Variants in CDH23 observed in about 807,000 individuals in gnomAD.
The protein encoded by CDH23 is cadherin related 23, also known as cadherin-23.
In CDH23, 189 loss-of-function variants were observed where a neutral mutation model predicts 317.1. The ratio of observed to expected loss-of-function variants is 0.60; its 90% CI spans 0.53 to 0.67. The LOEUF is 0.67. Ranked by LOEUF, CDH23 falls within the 30% of genes least tolerant of loss-of-function variation. CDH23 has a pLI of 0.00. For synonymous variants in CDH23, 1,839 were observed against 1,876.8 expected, an observed-to-expected ratio of 0.98 and a Z score of 0.52; for missense variants, 4,401 against 4,592.4, an observed-to-expected ratio of 0.96 and a Z score of 1.20.
At chr10:71,731,537 G>A (rs771049686) in intron 31 of CDH23, among the ~76,000 whole-genome samples, 1 of 152,178 alleles carries the variant, frequency 6.6e-6, no homozygotes, top group Non-Finnish European at 1.5e-5. Context: ...TAGGGAGTGG[G>A]GAGGATGGGG....
At chr10:71,475,717 G>A (rs569061210) in intron 3 of CDH23, among the ~76,000 whole-genome samples, 70 of 152,326 alleles carry the variant, frequency 4.6e-4, no homozygotes, top group African/African-American at 1.7e-3. Context: ...TGAAGGAAAA[G>A]GTAGGGAGGA....
At chr10:71,609,336 A>G (rs1016898849) in intron 9 of CDH23, among the ~76,000 whole-genome samples, 4 of 150,554 alleles carry the variant, frequency 2.7e-5, no homozygotes, top group Admixed American at 1.3e-4. Flanking sequence ...AGAAAACAGC[A>G]GAAGTCCTTT....
intron 1 of CDH23, among the ~76,000 whole-genome samples, chr10:71,413,331 G>T (rs1320398997): frequency 6.6e-6 from 1 of 152,066 alleles, no homozygotes. Context: ...TGTTCCATTT[G>T]TCTGTAAGTC....
At chr10:71,623,732 T>C (rs1433108582) in intron 11 of CDH23, among the ~76,000 whole-genome samples, 1 of 152,186 alleles carries the variant, frequency 6.6e-6, no homozygotes, top group Admixed American at 6.5e-5. Context: ...AGTTCCATGA[T>C]CATAGAACCC....
At chr10:71,421,228 A>G (rs1164316231) in intron 1 of CDH23, among the ~76,000 whole-genome samples, 1 of 152,210 alleles carries the variant, frequency 6.6e-6, no homozygotes, top group Non-Finnish European at 1.5e-5. Context: ...TCAGACAGCA[A>G]GGCTGTGTCC....
chr10:71,403,203 C>T (rs1213669245), intron 1 of CDH23, among the ~76,000 whole-genome samples: 9 of 152,126 alleles, frequency 5.9e-5, no homozygotes, highest in Admixed American at 3.3e-4. Context: ...TCTGGCATTG[C>T]TGATTAGAAC....
At chr10:71,618,194 G>C (rs1861289217) in intron 11 of CDH23, among the ~76,000 whole-genome samples, 1 of 152,100 alleles carries the variant, frequency 6.6e-6, no homozygotes, top group Non-Finnish European at 1.5e-5. Context: ...GTGCTTTGGA[G>C]GGGATCCCGG....
intron 6 of CDH23, among the ~76,000 whole-genome samples, chr10:71,552,888 A>G (rs1018757581): frequency 1.3e-5 from 2 of 152,072 alleles, no homozygotes; most frequent in African/African-American, 2.4e-5. Flanking sequence ...CCATGTTTGG[A>G]CAAGGTAGGG....
intron 20 of CDH23, among the ~76,000 whole-genome samples, chr10:71,691,887 C>A (rs1042980336): frequency 6.6e-6 from 1 of 152,084 alleles, no homozygotes; most frequent in African/African-American, 2.4e-5. Context: ...AGCAGATGGC[C>A]GGTGCTGATG....
chr10:71,680,956 G>T (rs1057077075), intron 17 of CDH23, among the ~76,000 whole-genome samples: 10 of 149,498 alleles, frequency 6.7e-5, no homozygotes, highest in African/African-American at 1.5e-4. Flanking sequence ...AGCCTCCCGA[G>T]TAGCTGGGAT....
chr10:71,785,107 C>T lies in CDH23; in HGVS notation c.5712+7C>T. The T allele has an allele frequency of 3.7e-6, 6 of 1,607,666 alleles. 1 individual carries two copies. Among genetic ancestry groups the T allele is most frequent in the Non-Finnish European group, 2.6e-6 (3 of 1,174,654 alleles). ...CTTCTTCATCAATGCCACGGTAGGG[C>T]CTAGACTGACCCCAGGGAGCTTCCC... On this transcript the variant is annotated splice_region_variant and intron_variant, in intron 43 of 69. Coordinates refer to ENST00000224721, the MANE Select transcript of CDH23 (RefSeq NM_022124.6).
chr10:71,403,470 C>T (rs1459527938), intron 1 of CDH23, among the ~76,000 whole-genome samples: 3 of 99,092 alleles, frequency 3.0e-5, no homozygotes, highest in African/African-American at 4.9e-5. Flanking sequence ...TCCTTCCTTC[C>T]TTCCTTCCTT....
At chr10:71,429,568 G>A (rs1053728197) in intron 1 of CDH23, among the ~76,000 whole-genome samples, 2 of 152,290 alleles carry the variant, frequency 1.3e-5, no homozygotes, top group African/African-American at 4.8e-5. Flanking sequence ...GAGCTGGCAG[G>A]TTTGAGGCTG....
chr10:71,475,731 G>C (rs941104164), intron 3 of CDH23, among the ~76,000 whole-genome samples: 10 of 152,216 alleles, frequency 6.6e-5, no homozygotes, highest in African/African-American at 2.4e-4. Flanking sequence ...GGGAGGATCT[G>C]GCCAGTGACA....
chr10:71,812,972 C>T, intron 68 of CDH23, 82 bp downstream of exon 68: 1 of 1,571,010 alleles, frequency 6.4e-7, no homozygotes, highest in Non-Finnish European at 8.6e-7. Context: ...TGGTAGAGAC[C>T]TCCAGGCTCA....
chr10:71,650,359 G>C (rs1215222041), intron 14 of CDH23, among the ~76,000 whole-genome samples: 1 of 152,256 alleles, frequency 6.6e-6, no homozygotes, highest in East Asian at 1.9e-4. Flanking sequence ...GGTTCAGGAT[G>C]AATGTGCTCT....
At chr10:71,701,455 C>T (rs905032972) in intron 22 of CDH23, among the ~76,000 whole-genome samples, 2 of 152,088 alleles carry the variant, frequency 1.3e-5, no homozygotes, top group African/African-American at 2.4e-5. Flanking sequence ...CCCTTCATGA[C>T]GTGGGGGTTA....
At chr10:71,791,461 G>A (rs933548278) in intron 47 of CDH23, 126 bp downstream of exon 47, 22 of 765,538 alleles carry the variant, frequency 2.9e-5, no homozygotes, top group African/African-American at 8.6e-5. Context: ...CAGGGTGAGT[G>A]TAGAACACAC....
At chr10:71,502,036 CG>C (rs1421751107) in intron 3 of CDH23, among the ~76,000 whole-genome samples, 2 of 152,212 alleles carry the variant, frequency 1.3e-5, no homozygotes, top group Non-Finnish European at 2.9e-5. Context: ...CTATCCCAGG[CG>C]GCCCTCTCCC....
Sources: allele counts gnomAD v4.1 joint callset (sites outside exome capture counted in the v4.1 genomes callset), GRCh38; gene constraint gnomAD v4.1.1; transcripts MANE v1.5; gene names NCBI Gene and HGNC (gene_info 2026-07-23, HGNC 2026-07-21).